PGAP1: variants seen among roughly 807,000 people sequenced by gnomAD.
PGAP1 encodes GPI inositol-deacylase.
Under a neutral mutation model 127.0 loss-of-function variants are expected in PGAP1, and 76 were observed. The observed-to-expected ratio is 0.60, with a 90% CI of 0.50 to 0.72. PGAP1 has a LOEUF of 0.72. Ranked by LOEUF, PGAP1 falls within the 30% of genes least tolerant of loss-of-function variation. The probability of loss-of-function intolerance (pLI) is 0.00; values close to 1 mark genes in which losing one functional copy is unlikely to be tolerated. For synonymous variants in PGAP1, 362 were observed against 366.5 expected (o/e 0.99, Z 0.14); for missense variants, 982 against 1,071.3 (o/e 0.92, Z 1.16).
intron 5 of PGAP1, among the ~76,000 whole-genome samples, chr2:196,901,200 T>G (rs1702477246): frequency 6.6e-6 from 1 of 152,188 alleles, no homozygotes; most frequent in Non-Finnish European, 1.5e-5. Context: ...ACCAAAATAT[T>G]CAACACCAAA....
chr2:196,902,369 C>A (rs1198540682), intron 5 of PGAP1, among the ~76,000 whole-genome samples: 1 of 151,940 alleles, frequency 6.6e-6, no homozygotes, highest in East Asian at 1.9e-4. Context: ...CATAAGCATC[C>A]ACAATTCTGC....
At chr2:196,873,820 T>A in intron 14 of PGAP1, 62 bp from the exon 15 acceptor site, 1 of 1,099,342 alleles carries the variant, frequency 9.1e-7, no homozygotes, top group African/African-American at 1.6e-5. Context: ...AACATACTGA[T>A]TATTTAATTA....
chr2:196,902,832 A>T, intron 4 of PGAP1, 90 bp from the exon 5 acceptor site: 1 of 946,902 alleles, frequency 1.1e-6, no homozygotes, highest in Non-Finnish European at 1.5e-6. Flanking sequence ...TATGTAACTG[A>T]ATTTTTGCTT....
intron 5 of PGAP1, among the ~76,000 whole-genome samples, chr2:196,901,494 G>C (rs1020392927): frequency 6.6e-6 from 1 of 152,154 alleles, no homozygotes; most frequent in Admixed American, 6.6e-5. Flanking sequence ...CTCCTAAAAA[G>C]CAAAAGGAAC....
chr2:196,847,458 CTTTT>C (rs3839045), intron 21 of PGAP1: 16 of 136,336 alleles, frequency 1.2e-4, no homozygotes, highest in East Asian at 5.3e-4. Context: ...GTAATATGTT[CTTTT>C]TTTTTTTTTT....
At chr2:196,877,472 A>G (rs1701603454) in intron 13 of PGAP1, 1 of 152,162 alleles carries the variant, frequency 6.6e-6, no homozygotes. Context: ...TAGGCTGCTA[A>G]GACTGTCTAT....
Position 196,834,195 on chromosome 2 carries a change from A to AT in PGAP1, c.*7038dup, listed in dbSNP as rs1410422303. ...CAATGCTACCACCTTCTCCTAGAAT[A>AT]TTTTTTCAGAAACCTAAGCCAAACC... On this transcript the variant is annotated 3_prime_UTR_variant, in exon 27 of 27. Coordinates refer to ENST00000354764, the MANE Select transcript of PGAP1 (RefSeq NM_024989.4). The AT allele has an allele frequency of 1.3e-5, 2 of 151,930 alleles. No individual in the cohort carries two copies. The highest frequency in any genetic ancestry group is 6.6e-5 in the Admixed American group (1 of 15,256). 9.4% of individuals were successfully genotyped at this position (151,930 alleles called of 1,614,324 possible). A position where few individuals can be genotyped will look rare whatever the true frequency, so the allele number is the denominator to read the frequency against.
At chr2:196,875,888 A>G (rs1209020994) in intron 13 of PGAP1, 67 bp from the exon 14 acceptor site, 2 of 792,404 alleles carry the variant, frequency 2.5e-6, no homozygotes, top group Non-Finnish European at 4.1e-6. Flanking sequence ...TCTTTACTTG[A>G]TGTTTGAGTG....
intron 26 of PGAP1, among the ~76,000 whole-genome samples, 157 bp from the exon 27 acceptor site, chr2:196,841,529 TA>T (rs1314474995): frequency 6.6e-6 from 1 of 152,228 alleles, no homozygotes; most frequent in Non-Finnish European, 1.5e-5. Flanking sequence ...TTTCTTTTTT[TA>T]TTTTTGAGAT....
intron 20 of PGAP1, among the ~76,000 whole-genome samples, chr2:196,863,648 T>C (rs1416924312): frequency 1.3e-5 from 2 of 152,086 alleles, no homozygotes; most frequent in Non-Finnish European, 2.9e-5. Context: ...TAGCATTTGA[T>C]AGCACTGCAA....
intron 20 of PGAP1, among the ~76,000 whole-genome samples, chr2:196,853,036 G>A (rs902849089): frequency 6.6e-6 from 1 of 152,230 alleles, no homozygotes; most frequent in Non-Finnish European, 1.5e-5. Context: ...GGTCCCCTAT[G>A]TAGAAGCAGC....
intron 19 of PGAP1, among the ~76,000 whole-genome samples, chr2:196,868,206 A>G (rs968654908): frequency 1.3e-5 from 2 of 152,208 alleles, no homozygotes; most frequent in African/African-American, 4.8e-5. Flanking sequence ...CACTTGCATA[A>G]GGCATTTGGA....
chr2:196,887,997 T>G (rs1243378283), intron 10 of PGAP1, among the ~76,000 whole-genome samples: 1 of 152,226 alleles, frequency 6.6e-6, no homozygotes, highest in Non-Finnish European at 1.5e-5. Context: ...ACCCTCATTA[T>G]GAAAATTGCT....
chr2:196,905,427 C>G (rs1400120110), intron 4 of PGAP1, among the ~76,000 whole-genome samples: 1 of 152,168 alleles, frequency 6.6e-6, no homozygotes, highest in Non-Finnish European at 1.5e-5. Flanking sequence ...AATGTACCAA[C>G]AGAAAAACCG....
chr2:196,916,955 C>G (rs1180258323), intron 2 of PGAP1, among the ~76,000 whole-genome samples: 1 of 152,138 alleles, frequency 6.6e-6, no homozygotes. Flanking sequence ...TGACAAGGTT[C>G]CTACAAGAAA....
chr2:196,867,357 C>G (rs1415802964), intron 19 of PGAP1, among the ~76,000 whole-genome samples: 4 of 152,174 alleles, frequency 2.6e-5, no homozygotes, highest in Non-Finnish European at 4.4e-5. Context: ...TCATCATTCT[C>G]AGCAAACTAA....
chr2:196,905,170 C>G (rs1325045731), intron 4 of PGAP1, among the ~76,000 whole-genome samples: 1 of 152,158 alleles, frequency 6.6e-6, no homozygotes, highest in Non-Finnish European at 1.5e-5. Context: ...GTGCATTCCT[C>G]AAGTAATTTT....
intron 4 of PGAP1, 53 bp downstream of exon 4, chr2:196,912,829 T>G (rs1702875675): frequency 6.8e-7 from 1 of 1,463,276 alleles, no homozygotes; most frequent in Non-Finnish European, 9.2e-7. Context: ...GAGATTGATT[T>G]ATTTAATCTT....
chr2:196,885,861 A>T lies in PGAP1; in HGVS notation c.1193T>A (p.Phe398Tyr). Residue 398 changes from phenylalanine (F) to tyrosine (Y), a missense_variant, in exon 11 of 27, where the codon TTT becomes TAT. Physicochemically the swap from Phe to Tyr is conservative, Grantham distance 22 (BLOSUM62 3). Coordinates refer to ENST00000354764, the MANE Select transcript of PGAP1 (RefSeq NM_024989.4). ...STMLDTNSWI[F>Y]ACINSTSMCL... Reference sequence around the variant, plus strand: ...CATAGAAGTGCTGTTTATGCAAGCAAAAATCCAACTATTTGTATCCTGTTG... The same window carrying T: ...CATAGAAGTGCTGTTTATGCAAGCATAAATCCAACTATTTGTATCCTGTTG... The T allele has an allele frequency of 7.1e-7, 1 of 1,415,996 alleles. No homozygotes were observed. Among genetic ancestry groups the T allele is most frequent in the Non-Finnish European group, 9.3e-7 (1 of 1,080,488 alleles). 87.7% of individuals were successfully genotyped at this position (1,415,996 alleles called of 1,614,324 possible).
Sources: gnomAD v4.1 joint callset for allele counts (sites outside exome capture counted in the v4.1 genomes callset) on GRCh38, gnomAD v4.1.1 for gene constraint, MANE v1.5 for transcripts, NCBI Gene and HGNC (gene_info 2026-07-23, HGNC 2026-07-21) for gene names.